The following DSE variants were observed in gnomAD, a reference collection of about 807,000 sequenced individuals.
DSE encodes dermatan-sulfate epimerase.
DSE carries 36 observed loss-of-function variants against 84.4 expected under a neutral mutation model. That is an observed-to-expected ratio of 0.43 (90% CI 0.33 to 0.56). The LOEUF (loss-of-function observed/expected upper bound fraction) is 0.56, where lower values mean the gene tolerates loss of function less well. Ranked by LOEUF, DSE falls within the 20% of genes least tolerant of loss-of-function variation. DSE has a pLI of 0.06. For synonymous variants in DSE, 410 were observed against 430.1 expected (o/e 0.95, Z 0.58); for missense variants, 862 against 1,169.6 (o/e 0.74, Z 3.84).
chr6:116,304,100 G>A (rs905034156), intron 2 of DSE, among the ~76,000 whole-genome samples: 4 of 150,428 alleles, frequency 2.7e-5, no homozygotes, highest in African/African-American at 9.8e-5. Flanking sequence ...TCCAGCCTGG[G>A]CGACAGAGCA....
intron 2 of DSE, among the ~76,000 whole-genome samples, chr6:116,407,569 A>G (rs1166129519): frequency 6.6e-6 from 1 of 152,090 alleles, no homozygotes; most frequent in Non-Finnish European, 1.5e-5. Flanking sequence ...TCATTCTTAC[A>G]AATTCACTGT....
upstream of DSE, chr6:116,370,641 C>T: frequency 1.4e-6 from 1 of 709,722 alleles, no homozygotes. Flanking sequence ...GAAACTAGAA[C>T]AAGTTAGAGC....
At chr6:116,294,109 G>T (rs1368495595) in intron 2 of DSE, among the ~76,000 whole-genome samples, 9 of 151,884 alleles carry the variant, frequency 5.9e-5, no homozygotes, top group Admixed American at 2.6e-4. Context: ...CTGCAGCCTC[G>T]ACCTCCTGGG....
intron 2 of DSE, among the ~76,000 whole-genome samples, chr6:116,317,261 G>A (rs183514480): frequency 2.0e-5 from 3 of 152,342 alleles, no homozygotes; most frequent in African/African-American, 7.2e-5. Flanking sequence ...CAGCCTGTGG[G>A]AGAATGTGGA....
chr6:116,351,398 A>G (rs887138548), intron 2 of DSE, among the ~76,000 whole-genome samples: 1 of 152,186 alleles, frequency 6.6e-6, no homozygotes, highest in African/African-American at 2.4e-5. Flanking sequence ...ACTTCTTCAC[A>G]TCTTAAAACT....
intron 2 of DSE, chr6:116,279,474 G>A (rs1214313929): frequency 1.9e-6 from 3 of 1,612,500 alleles, no homozygotes; most frequent in South Asian, 2.2e-5. Flanking sequence ...TTTTCAGGCT[G>A]CGGTCGGCTG....
intron 2 of DSE, among the ~76,000 whole-genome samples, chr6:116,310,102 C>A (rs1454080044): frequency 6.6e-6 from 1 of 152,162 alleles, no homozygotes; most frequent in Non-Finnish European, 1.5e-5. Context: ...CCTACAAATT[C>A]TTACAGGAAA....
chr6:116,389,105 C>T (rs959801285), intron 1 of DSE, among the ~76,000 whole-genome samples: 5 of 152,094 alleles, frequency 3.3e-5, no homozygotes, highest in Non-Finnish European at 5.9e-5. Context: ...GGACTGACCT[C>T]GATGTTCTCA....
At chr6:116,435,482 C>G in intron 5 of DSE, 105 bp from the exon 6 acceptor site, 1 of 1,150,838 alleles carries the variant, frequency 8.7e-7, no homozygotes, top group Non-Finnish European at 1.2e-6. Context: ...TCTGCACTGC[C>G]AGTGCTCTGG....
intron 1 of DSE, among the ~76,000 whole-genome samples, chr6:116,380,957 C>T (rs1780186042): frequency 6.6e-6 from 1 of 152,168 alleles, no homozygotes; most frequent in African/African-American, 2.4e-5. Context: ...TCACCTTAGC[C>T]AGAAGTGTCA....
intron 2 of DSE, chr6:116,259,286 A>G (rs140760294): frequency 0.01 from 5,533 of 548,234 alleles, 114 homozygotes; most frequent in South Asian, 0.051. Flanking sequence ...ACTTTACAGC[A>G]TGATAAATTA....
In DSE at chr6:116,439,424, T is replaced by C. The variant is rs1044219324; in HGVS notation, c.*2079T>C. ...ATCTTTAAAACAAAATGAATTAAAA[T>C]TATGTGTTTTTTTTTTTTCTTCTAA... On this transcript the variant is annotated 3_prime_UTR_variant, in exon 6 of 6. Transcript: ENST00000644252. The C allele has an allele frequency of 7.8e-5, 9 of 115,770 alleles. No individual in the cohort carries two copies. Among genetic ancestry groups the C allele is most frequent in the Non-Finnish European group, 1.8e-4 (9 of 49,538 alleles). 7.2% of individuals were successfully genotyped at this position (115,770 alleles called of 1,614,324 possible).
chr6:116,370,924 C>A (rs1208861028), upstream of DSE: 5 of 985,476 alleles, frequency 5.1e-6, no homozygotes, highest in African/African-American at 7.0e-5. Flanking sequence ...CCACACCTAC[C>A]CGCCCCCGCC....
In DSE at chr6:116,433,511, A is replaced by G. The variant is rs1783969746; in HGVS notation, c.1079A>G (p.Lys360Arg). ...RVVEGPGTPS[K>R]GQRWCTLHTE... ...GTGGAAGGTCCAGGAACACCATCCA[A>G]AGGGCAGCGCTGGTGCACTCTGCAC... Residue 360 changes from lysine to arginine, a missense_variant, in exon 5 of 6, where the codon AAA becomes AGA. By Grantham distance (26) the Lys-to-Arg change is conservative. Transcript: ENST00000644252. 2.5e-6 allele frequency: 4 copies of G among 1,574,142 alleles called. No individual in the cohort carries two copies. The highest frequency in any genetic ancestry group is 3.5e-6 in the Non-Finnish European group (4 of 1,158,064).
At chr6:116,272,659 GC>G (rs1164264451) in intron 2 of DSE, among the ~76,000 whole-genome samples, 1 of 152,182 alleles carries the variant, frequency 6.6e-6, no homozygotes, top group Non-Finnish European at 1.5e-5. Flanking sequence ...GAAAAGGTAA[GC>G]CATGATTCTC....
rs563652106 is a variant in DSE, at chr6:116,329,095, C to T, written c.-53-70103C>T. On this transcript the variant is annotated intron_variant, in intron 2 of 3. Transcript: ENST00000430252. ...AACTGCTGCAGTTGCTGAAATTTAA[C>T]AAAACAAATGTAAGCTGAATATTAC... 2.0e-5 allele frequency among the ~76,000 whole-genome samples: 3 copies of T among 152,214 alleles called. No homozygotes were observed. The South Asian group carries it at 6.2e-4, about 32-fold the overall frequency.
intron 2 of DSE, among the ~76,000 whole-genome samples, chr6:116,357,405 A>C (rs1778642459): frequency 6.6e-6 from 1 of 151,944 alleles, no homozygotes; most frequent in African/African-American, 2.4e-5. Context: ...GGTAGTGGGC[A>C]CCTGTGGTCC....
chr6:116,434,507 C>G lies in DSE; in HGVS notation c.1118+957C>G, dbSNP rs369550595. Among the ~76,000 whole-genome samples the G allele has an allele frequency of 8.5e-5, 13 of 152,210 alleles. No individual in the cohort carries two copies. The East Asian group carries it at 1.2e-3, about 14-fold the overall frequency. ...TTCTCTCAGGAGTATGACATAATTA[C>G]TTAATAGTGTAACCCATAAATAAGT... On this transcript the variant is annotated intron_variant, in intron 5 of 5. Transcript: ENST00000644252.
At chr6:116,297,860 T>C (rs958211723) in intron 2 of DSE, among the ~76,000 whole-genome samples, 1 of 152,208 alleles carries the variant, frequency 6.6e-6, no homozygotes, top group Non-Finnish European at 1.5e-5. Flanking sequence ...AGGCTCTTAA[T>C]AAAATCTTGT....
Sources: gnomAD v4.1 joint callset for allele counts (sites outside exome capture counted in the v4.1 genomes callset) on GRCh38, gnomAD v4.1.1 for gene constraint, MANE v1.5 for transcripts, NCBI Gene and HGNC (gene_info 2026-07-23, HGNC 2026-07-21) for gene names.